SLC35A1: variants seen among roughly 807,000 people sequenced by gnomAD.
SLC35A1 encodes the protein solute carrier family 35 member A1, also known as CMP-sialic acid transporter.
Under a neutral mutation model 40.3 loss-of-function variants are expected in SLC35A1, and 21 were observed. That is an observed-to-expected ratio of 0.52 (90% CI 0.37 to 0.75). The LOEUF is 0.75. Among genes scored for constraint, SLC35A1 ranks in the 30% least tolerant of loss-of-function variants. The pLI, the probability that SLC35A1 is intolerant of heterozygous loss-of-function variation, is 0.00. For synonymous variants in SLC35A1, 146 were observed against 147.3 expected, an observed-to-expected ratio of 0.99 and a Z score of 0.06; for missense variants, 297 against 382.1, an observed-to-expected ratio of 0.78 and a Z score of 1.86.
At position 87,511,760 on chromosome 6, in the gene SLC35A1, T is replaced by C; in HGVS notation, c.*234T>C. The C allele has an allele frequency of 1.9e-6, 1 of 516,894 alleles. No individual in the cohort carries two copies. Among genetic ancestry groups the C allele is most frequent in the East Asian group, 3.6e-5 (1 of 27,626 alleles). The allele number at this position is 516,894 out of a possible 1,614,324, so 32.0% of individuals were successfully genotyped here. On this transcript the variant is annotated 3_prime_UTR_variant, in exon 8 of 8. Coordinates refer to ENST00000369552, the MANE Select transcript of SLC35A1 (RefSeq NM_006416.5). ...TTGTTTTAGAATGAAGGAATTGTAT[T>C]ATTGTGTGTATATATAATTTGTAAA... is the stretch of plus-strand genomic sequence containing the variant.
At chr6:87,479,878 A>G (rs12662269) in intron 2 of SLC35A1, among the ~76,000 whole-genome samples, 12,185 of 152,234 alleles carry the variant, frequency 0.08, 515 homozygotes, top group East Asian at 0.096. Flanking sequence ...TGGGACTCCA[A>G]TTGCATCTAA....
At chr6:87,504,838 T>C (rs1770030167) in intron 4 of SLC35A1, among the ~76,000 whole-genome samples, 1 of 152,198 alleles carries the variant, frequency 6.6e-6, no homozygotes, top group South Asian at 2.1e-4. Flanking sequence ...CCAGCAGATG[T>C]TGGGATAGGT....
At chr6:87,506,537 C>A in intron 5 of SLC35A1, 89 bp downstream of exon 5, 2 of 1,038,830 alleles carry the variant, frequency 1.9e-6, no homozygotes, top group South Asian at 1.3e-5. Context: ...CTTGCTTTCT[C>A]AGTTTTATTC....
chr6:87,503,228 A>C (rs1769972839), intron 4 of SLC35A1, among the ~76,000 whole-genome samples: 1 of 152,144 alleles, frequency 6.6e-6, no homozygotes, highest in African/African-American at 2.4e-5. Flanking sequence ...AGGGTGCCTT[A>C]GCTAGCTGGT....
At chr6:87,475,940 A>G (rs1769056700) in intron 1 of SLC35A1, among the ~76,000 whole-genome samples, 2 of 152,152 alleles carry the variant, frequency 1.3e-5, no homozygotes. Context: ...GAGCCTAAAG[A>G]TTTGAATGGA....
chr6:87,499,178 TA>T (rs1174136352), intron 2 of SLC35A1: 1 of 915,508 alleles, frequency 1.1e-6, no homozygotes, highest in Non-Finnish European at 1.3e-6. Flanking sequence ...TTAGTCAATT[TA>T]ATATAATGGA....
chr6:87,488,275 C>A (rs1769444664), intron 2 of SLC35A1, among the ~76,000 whole-genome samples: 1 of 152,032 alleles, frequency 6.6e-6, no homozygotes, highest in South Asian at 2.1e-4. Context: ...AAACAATGAT[C>A]GTGTAAAAAC....
intron 7 of SLC35A1, among the ~76,000 whole-genome samples, chr6:87,510,942 C>A (rs1319454235): frequency 6.6e-6 from 1 of 151,920 alleles, no homozygotes; most frequent in African/African-American, 2.4e-5. Flanking sequence ...ATTATCGCCT[C>A]ATCTCCGATT....
intron 1 of SLC35A1, 148 bp from the exon 2 acceptor site, chr6:87,477,214 A>C (rs16879893): frequency 1.5e-6 from 1 of 656,464 alleles, no homozygotes; most frequent in Non-Finnish European, 2.6e-6. Flanking sequence ...ATTGGCAAAC[A>C]TTGTTTTGAA....
chr6:87,505,692 G>A (rs907786001), intron 4 of SLC35A1, among the ~76,000 whole-genome samples: 2 of 152,118 alleles, frequency 1.3e-5, no homozygotes, highest in African/African-American at 2.4e-5. Context: ...AGAGGGAAGT[G>A]GGCTGAACTC....
At position 87,508,427 on chromosome 6, in the gene SLC35A1, T is replaced by C. The variant is rs1260394163; in HGVS notation, c.582T>C (p.Tyr194=). 25 of 1,598,878 alleles carry C rather than the reference T, an allele frequency of 1.6e-5. No homozygotes were observed. The highest frequency in any genetic ancestry group is 2.1e-5 in the Non-Finnish European group (25 of 1,167,878). ...TGTCTAATTTTCTTTCAGGAGTATA[T>C]TTTGAAAAAGTTTTAAAGAGTTCAG... is the stretch of plus-strand genomic sequence containing the variant. The part of the protein sequence containing the change: ...AVLCSGFAGV[Y]FEKVLKSSDT... Residue 194 remains tyrosine, a synonymous_variant, in exon 6 of 8, where the codon TAT becomes TAC. Transcript: ENST00000369552.
At chr6:87,504,310 A>AT (rs1770015113) in intron 4 of SLC35A1, among the ~76,000 whole-genome samples, 1 of 150,694 alleles carries the variant, frequency 6.6e-6, no homozygotes, top group Non-Finnish European at 1.5e-5. Context: ...GCCTTACAGG[A>AT]TTTTTTGCAA....
At chr6:87,500,175 A>G (rs1335969830) in intron 2 of SLC35A1, among the ~76,000 whole-genome samples, 2 of 152,192 alleles carry the variant, frequency 1.3e-5, no homozygotes, top group South Asian at 2.1e-4. Flanking sequence ...ACTTGATGAA[A>G]TAGTTAAAGT....
intron 2 of SLC35A1, among the ~76,000 whole-genome samples, chr6:87,481,049 A>T (rs544008661): frequency 6.6e-6 from 1 of 152,256 alleles, no homozygotes; most frequent in South Asian, 2.1e-4. Context: ...AAAGACTTGT[A>T]GTTTTGAGGG....
At chr6:87,490,623 GAT>G (rs1335839018) in intron 2 of SLC35A1, among the ~76,000 whole-genome samples, 2 of 152,126 alleles carry the variant, frequency 1.3e-5, no homozygotes. Flanking sequence ...AAAGGAAAAA[GAT>G]ATTTCTTTCA....
intron 4 of SLC35A1, among the ~76,000 whole-genome samples, chr6:87,505,527 T>C (rs1009448623): frequency 2.0e-5 from 3 of 152,220 alleles, no homozygotes; most frequent in African/African-American, 7.2e-5. Flanking sequence ...CTTAGTCCAT[T>C]TTCTGCTGCT....
chr6:87,509,891 A>G (rs948612079), intron 7 of SLC35A1, among the ~76,000 whole-genome samples: 2 of 152,126 alleles, frequency 1.3e-5, no homozygotes, highest in Non-Finnish European at 2.9e-5. Context: ...TTACTGATCA[A>G]TTATTATAAT....
chr6:87,500,708 A>ATT, intron 3 of SLC35A1, 41 bp downstream of exon 3: 2 of 1,588,690 alleles, frequency 1.3e-6, no homozygotes, highest in Non-Finnish European at 1.7e-6. Flanking sequence ...AGAATCTTTT[A>ATT]TGGTAAAAAG....
At chr6:87,507,243 C>T (rs1034975542) in intron 5 of SLC35A1, among the ~76,000 whole-genome samples, 7 of 152,080 alleles carry the variant, frequency 4.6e-5, no homozygotes, top group Admixed American at 3.9e-4. Flanking sequence ...AGGCTGAATA[C>T]AGAAGTAAAA....
Sources: allele counts gnomAD v4.1 joint callset (sites outside exome capture counted in the v4.1 genomes callset), GRCh38; gene constraint gnomAD v4.1.1; transcripts MANE v1.5; gene names NCBI Gene and HGNC (gene_info 2026-07-23, HGNC 2026-07-21).